KLK4: variants seen among roughly 807,000 people sequenced by gnomAD.
The protein encoded by KLK4 is kallikrein related peptidase 4.
Under a neutral mutation model 24.3 loss-of-function variants are expected in KLK4, and 24 were observed. That is an observed-to-expected ratio of 0.99 (90% confidence interval 0.72 to 1.39). The LOEUF (loss-of-function observed/expected upper bound fraction) is 1.39, where lower values mean the gene tolerates loss of function less well. Ranked by LOEUF, KLK4 falls within the 40% of genes most tolerant of loss-of-function variation. The pLI is 0.00. For synonymous variants in KLK4, 142 were observed against 138.8 expected (o/e 1.02, Z -0.16); for missense variants, 344 against 327.4 (o/e 1.05, Z -0.39).
Position 50,910,631 on chromosome 19 carries a change from A to T in KLK4, c.61+47T>A, listed in dbSNP as rs757642279. On this transcript the variant is annotated intron_variant, in intron 2 of 5. Coordinates refer to ENST00000324041, the Ensembl canonical transcript of KLK4. The surrounding 1 kb of genome is among the most constrained non-coding windows in gnomAD (Gnocchi z 4.4). ...GAGTCACACCTGAACATTAACAAAC[A>T]CTGTGCCCCCAAGCACGGACAGACA... 14 of 1,513,880 alleles carry T rather than the reference A, an allele frequency of 9.2e-6. No individual in the cohort carries two copies. The South Asian group carries it at 1.6e-4, about 17-fold the overall frequency. 93.8% of individuals were successfully genotyped at this position (1,513,880 alleles called of 1,614,324 possible).
chr19:50,910,388 G>A lies in KLK4; in HGVS notation c.61+290C>T, dbSNP rs1467202474. Among the ~76,000 whole-genome samples the A allele has an allele frequency of 6.6e-6, 1 of 151,886 alleles. No homozygotes were observed. Among genetic ancestry groups the A allele is most frequent in the South Asian group, 2.1e-4 (1 of 4,802 alleles). On this transcript the variant is annotated intron_variant, in intron 2 of 5. Coordinates refer to ENST00000324041, the Ensembl canonical transcript of KLK4. The surrounding 1 kb of genome is among the most constrained non-coding windows in gnomAD (Gnocchi z 4.4). Reference sequence around the variant, plus strand: ...AGGAAGCACAATCTCCTGCACCCTCGGCTTCCCCTGTCCCCATATCATCAT... The same window carrying A: ...AGGAAGCACAATCTCCTGCACCCTCAGCTTCCCCTGTCCCCATATCATCAT...
rs201555681 is a variant in KLK4 at position 50,909,250 on chromosome 19, A to G, written c.224+2T>C. ...GCCCACTCCCCCTACCTCTGCACTC[A>G]CTTCTGGAAACAGTGTGCGGCTGAC... is the stretch of plus-strand genomic sequence containing the variant. On this transcript the variant is annotated splice_donor_variant, in intron 3 of 5. Transcript: ENST00000324041. LOFTEE classifies it high-confidence loss of function. 8.1e-6 allele frequency: 13 copies of G among 1,613,560 alleles called. No homozygotes were observed. In the Middle Eastern group the frequency reaches 1.2e-3, roughly 143 times the overall value.
chr19:50,909,527 C>G, intron 2 of KLK4, 113 bp from the exon 3 acceptor site: 1 of 1,098,988 alleles, frequency 9.1e-7, no homozygotes, highest in African/African-American at 1.8e-5. Context: ...CAGGGCTCCT[C>G]GGGGCGGAGT....
exon 4 of KLK4, chr19:50,908,743 C>G (rs182706497): frequency 1.2e-6 from 2 of 1,614,062 alleles, no homozygotes; most frequent in Non-Finnish European, 8.5e-7. Flanking sequence ...CTCTGGGTGC[C>G]GTACGGAGAG....
intron 1 of KLK4, among the ~76,000 whole-genome samples, chr19:50,911,050 C>T (rs1468799869): frequency 1.3e-5 from 2 of 152,128 alleles, no homozygotes; most frequent in African/African-American, 2.4e-5. Context: ...TAGCCACCCA[C>T]AAACAAGCAT....
At chr19:50,906,837 C>A in exon 6 of KLK4, 2 of 1,506,844 alleles carry the variant, frequency 1.3e-6, no homozygotes, top group Non-Finnish European at 1.8e-6. Context: ...GCCTGGACTC[C>A]TGGGCCTGAG....
chr19:50,908,257 G>T, intron 5 of KLK4, 102 bp downstream of exon 5: 1 of 1,357,192 alleles, frequency 7.4e-7, no homozygotes, highest in Non-Finnish European at 1.0e-6. Flanking sequence ...CTCCCTGTGT[G>T]TCTCTCCATC....
Position 50,907,106 on chromosome 19 carries a change from A to G in KLK4, c.613-20T>C. The G allele has an allele frequency of 1.2e-6, 2 of 1,613,764 alleles. No individual in the cohort carries two copies. The highest frequency in any genetic ancestry group is 1.1e-5 in the South Asian group (1 of 91,064). On this transcript the variant is annotated intron_variant, in intron 5 of 5. Coordinates refer to ENST00000324041, the Ensembl canonical transcript of KLK4. ...GTCACCCTGTTGTGAAGAGAGGGAG[A>G]GTCAGAATTCAAAACACAGAGAGGT...
chr19:50,907,404 C>CT (rs147857832), intron 5 of KLK4, among the ~76,000 whole-genome samples: 4,159 of 110,662 alleles, frequency 0.038, 127 homozygotes, highest in Non-Finnish European at 0.046. Context: ...TTTGTAAAGT[C>CT]TTTTTTTTTT....
exon 4 of KLK4, chr19:50,908,584 G>T: frequency 6.2e-7 from 1 of 1,614,196 alleles, no homozygotes; most frequent in Non-Finnish European, 8.5e-7. Flanking sequence ...CTCACCGTTC[G>T]CCAGCAGACC....
rs267605602 is a variant in KLK4 at position 50,908,579 on chromosome 19, C to T, written c.475G>A (p.Gly159Ser). The change falls in exon 4 of 6, where the codon GGC (glycine) becomes AGC (serine). Residue 159 changes from glycine (G) to serine (S), a missense_variant and splice_region_variant. Transcript: ENST00000324041. ...GGCAGACACACACCCGTGAGCTCAC[C>T]GTTCGCCAGCAGACCCCAGCCAGAA... The T allele has an allele frequency of 3.1e-6, 5 of 1,614,204 alleles. No homozygotes were observed. The highest frequency in any genetic ancestry group is 4.2e-6 in the Non-Finnish European group (5 of 1,180,042).
At chr19:50,909,032 A>C in intron 3 of KLK4, 5 of 1,479,070 alleles carry the variant, frequency 3.4e-6, no homozygotes, top group East Asian at 2.5e-5. Flanking sequence ...CTAGAGACTC[A>C]GCACTGGGCT....
chr19:50,909,845 G>A (rs2090471540), intron 2 of KLK4, among the ~76,000 whole-genome samples: 1 of 151,948 alleles, frequency 6.6e-6, no homozygotes, highest in Non-Finnish European at 1.5e-5. Flanking sequence ...GGGCATGGGG[G>A]TGGGCTGAGA....
chr19:50,906,422 T>A (rs1291025969), exon 6 of KLK4: 1 of 177,258 alleles, frequency 5.6e-6, no homozygotes, highest in African/African-American at 2.4e-5. Flanking sequence ...CTGGTAAGGT[T>A]GGGTCAACGT....
In KLK4 at chr19:50,909,176, C is replaced by T. The variant is rs529577304; in HGVS notation, c.224+76G>A. On this transcript the variant is annotated intron_variant, in intron 3 of 5. Coordinates refer to ENST00000324041, the Ensembl canonical transcript of KLK4. Reference sequence around the variant, plus strand: ...GCCTTCACCGCTGTTTCCCCCTGAGCACCCCAAGATGAGCCTGATATTAGG... The same window carrying T: ...GCCTTCACCGCTGTTTCCCCCTGAGTACCCCAAGATGAGCCTGATATTAGG... 24 of 1,610,436 alleles carry T rather than the reference C, an allele frequency of 1.5e-5. No homozygotes were observed. In the Admixed American group the frequency reaches 3.8e-4, roughly 26 times the overall value.
At chr19:50,906,798 C>A (rs1446081433) in exon 6 of KLK4, 12 of 1,046,618 alleles carry the variant, frequency 1.1e-5, no homozygotes, top group African/African-American at 1.7e-5. Flanking sequence ...GGGATCTGTA[C>A]CCTTGGTTTG....
In KLK4 at chr19:50,910,976, AC is replaced by A. The variant is rs2090483834; in HGVS notation, c.-11-228del. 6.8e-6 allele frequency among the ~76,000 whole-genome samples: 1 copy of A among 147,338 alleles called. No individual in the cohort carries two copies. The highest frequency in any genetic ancestry group is 1.5e-5 in the Non-Finnish European group (1 of 66,312). On this transcript the variant is annotated intron_variant, in intron 1 of 5. Coordinates refer to ENST00000324041, the Ensembl canonical transcript of KLK4. The surrounding 1 kb of genome is among the most constrained non-coding windows in gnomAD (Gnocchi z 4.4). ...ATGGGAAAAGAGAGAGAGAGAGAGA[AC>A]TAGGTAGAAAGGAAAGTTTAGAGAA...
intron 1 of KLK4, among the ~76,000 whole-genome samples, chr19:50,911,023 T>C (rs928510217): frequency 1.8e-4 from 28 of 151,846 alleles, no homozygotes; most frequent in African/African-American, 6.3e-4. Flanking sequence ...CATCTGTGAA[T>C]GGGGAGAGAT....
At position 50,908,586 on chromosome 19, in the gene KLK4, C is replaced by G. The variant is rs775170193; in HGVS notation, c.468G>C (p.Leu156=). ...ACACACCCGTGAGCTCACCGTTCGC[C>G]AGCAGACCCCAGCCAGAAACGAGGC... is the stretch of plus-strand genomic sequence containing the variant. Residue 156 remains leucine (L), a synonymous_variant, in exon 4 of 6, where the codon CTG becomes CTC. Coordinates refer to ENST00000324041, the Ensembl canonical transcript of KLK4. The G allele has an allele frequency of 2.5e-6, 4 of 1,614,100 alleles. No homozygotes were observed. In the African/African-American group the frequency reaches 5.3e-5, roughly 22 times the overall value.
Sources: gnomAD v4.1 joint callset for allele counts (sites outside exome capture counted in the v4.1 genomes callset) on GRCh38, gnomAD v4.1.1 for gene constraint, Gnocchi (gnomAD v3.1) non-coding constraint, MANE v1.5 for transcripts, NCBI Gene and HGNC (gene_info 2026-07-23, HGNC 2026-07-21) for gene names.